The following TSEN2 variants were observed in gnomAD, a reference collection of about 807,000 sequenced individuals.
TSEN2 encodes tRNA splicing endonuclease subunit 2.
In TSEN2, 54 loss-of-function variants were observed where a neutral mutation model predicts 59.2. The ratio of observed to expected loss-of-function variants is 0.91; its 90% CI spans 0.73 to 1.14. The LOEUF is 1.14. Among genes scored for constraint, TSEN2 ranks in the 50% most tolerant of loss-of-function variants. TSEN2 has a pLI of 0.00. For missense variants in TSEN2, 636 were observed against 576.2 expected, an observed-to-expected ratio of 1.10 and a Z score of -1.06; for synonymous variants, 195 against 198.2, an observed-to-expected ratio of 0.98 and a Z score of 0.14.
downstream of TSEN2, among the ~76,000 whole-genome samples, chr3:12,534,897 G>A (rs2057636697): frequency 6.6e-6 from 1 of 151,894 alleles, no homozygotes; most frequent in Non-Finnish European, 1.5e-5. Flanking sequence ...CTTGAACCTG[G>A]GAGGTGGAGG....
chr3:12,492,486 C>G (rs1365669548), intron 3 of TSEN2, among the ~76,000 whole-genome samples: 1 of 152,208 alleles, frequency 6.6e-6, no homozygotes, highest in Non-Finnish European at 1.5e-5. Context: ...ATGGCAGGTA[C>G]TGGTAGTTAA....
upstream of TSEN2, among the ~76,000 whole-genome samples, chr3:12,481,627 C>T (rs1372927099): frequency 6.6e-6 from 1 of 152,134 alleles, no homozygotes; most frequent in Non-Finnish European, 1.5e-5. Flanking sequence ...TTAGATAAGC[C>T]TCCTTTAGGC....
chr3:12,517,357 CA>C (rs10663207), intron 7 of TSEN2, among the ~76,000 whole-genome samples: 167 of 81,418 alleles, frequency 2.1e-3, no homozygotes, highest in East Asian at 3.9e-3. Flanking sequence ...GACTCTGTCT[CA>C]AAAAAAAAAA....
intron 8 of TSEN2, 101 bp downstream of exon 8, chr3:12,519,298 G>A: frequency 6.6e-7 from 1 of 1,518,568 alleles, no homozygotes; most frequent in Non-Finnish European, 9.1e-7. Context: ...TGTTTTCTAA[G>A]AAGGTATCCT....
chr3:12,487,337 C>T (rs1022350986), intron 1 of TSEN2, among the ~76,000 whole-genome samples: 2 of 152,202 alleles, frequency 1.3e-5, no homozygotes, highest in African/African-American at 4.8e-5. Context: ...GGTTGGAGTA[C>T]AGAGTTCTTT....
At chr3:12,523,526 C>CTTTTTTTGTTTTTTT (rs2056823263) in intron 8 of TSEN2, among the ~76,000 whole-genome samples, 1 of 46,480 alleles carries the variant, frequency 2.2e-5, no homozygotes, top group Non-Finnish European at 4.3e-5. Context: ...CTCTTTGATT[C>CTTTTTTTGTTTTTTT]TTTTTTTTTT....
At chr3:12,535,884 A>G (rs1006541749), downstream of TSEN2, among the ~76,000 whole-genome samples, 9 of 152,196 alleles carry the variant, frequency 5.9e-5, no homozygotes, top group African/African-American at 2.2e-4. Context: ...CCACTGGGAA[A>G]ACAGGGGCGA....
intron 4 of TSEN2, among the ~76,000 whole-genome samples, chr3:12,499,691 C>T (rs1258546770): frequency 6.6e-6 from 1 of 152,202 alleles, no homozygotes; most frequent in Admixed American, 6.5e-5. Context: ...GGTGTGCACA[C>T]CAGCACTCCC....
At chr3:12,510,561 T>C (rs759550197) in intron 6 of TSEN2, among the ~76,000 whole-genome samples, 4 of 152,214 alleles carry the variant, frequency 2.6e-5, no homozygotes, top group Admixed American at 6.5e-5. Flanking sequence ...GCTCTCCTCG[T>C]GCCTGACAGC....
At chr3:12,485,952 T>A (rs567170054) in intron 1 of TSEN2, among the ~76,000 whole-genome samples, 187 of 133,894 alleles carry the variant, frequency 1.4e-3, no homozygotes, top group African/African-American at 5.9e-3. Context: ...AATTTAAAAA[T>A]ATATATATAT....
intron 3 of TSEN2, among the ~76,000 whole-genome samples, chr3:12,494,270 G>A (rs2053521190): frequency 6.6e-6 from 1 of 152,210 alleles, no homozygotes; most frequent in African/African-American, 2.4e-5. Flanking sequence ...GGACCGTGGA[G>A]CTGAGACAGG....
chr3:12,525,608 G>A (rs997994807), intron 8 of TSEN2, among the ~76,000 whole-genome samples: 8 of 152,148 alleles, frequency 5.3e-5, no homozygotes, highest in African/African-American at 1.9e-4. Flanking sequence ...CGAGGGTGGA[G>A]TGCAGTGGCA....
At chr3:12,522,529 AC>A (rs1479612531) in intron 8 of TSEN2, among the ~76,000 whole-genome samples, 10 of 152,006 alleles carry the variant, frequency 6.6e-5, no homozygotes, top group African/African-American at 2.4e-4. Context: ...GGCTTCCTAA[AC>A]TCTACCTCAT....
chr3:12,530,705 G>A, intron 10 of TSEN2: 1 of 985,400 alleles, frequency 1.0e-6, no homozygotes, highest in Non-Finnish European at 1.2e-6. Context: ...AAATTAGGGA[G>A]CCTATACTGT....
At chr3:12,502,567 T>A (rs2054382386) in intron 4 of TSEN2, among the ~76,000 whole-genome samples, 1 of 150,820 alleles carries the variant, frequency 6.6e-6, no homozygotes, top group African/African-American at 2.5e-5. Context: ...AAAAAAAAAA[T>A]CTTGATAAAG....
At chr3:12,526,411 T>C (rs868132518) in intron 8 of TSEN2, among the ~76,000 whole-genome samples, 1 of 152,168 alleles carries the variant, frequency 6.6e-6, no homozygotes, top group South Asian at 2.1e-4. Flanking sequence ...ATTTAACCAT[T>C]GTGTTATAAT....
intron 8 of TSEN2, among the ~76,000 whole-genome samples, chr3:12,524,149 G>T (rs957149437): frequency 6.6e-6 from 1 of 151,754 alleles, no homozygotes. Flanking sequence ...CCCAAGCTGG[G>T]CTCAAACTCC....
chr3:12,521,242 T>C (rs2056612463), intron 8 of TSEN2, among the ~76,000 whole-genome samples: 1 of 152,204 alleles, frequency 6.6e-6, no homozygotes, highest in African/African-American at 2.4e-5. Flanking sequence ...CAGGTACTGT[T>C]TGAGGCATCA....
intron 8 of TSEN2, among the ~76,000 whole-genome samples, chr3:12,524,808 T>C (rs2056951528): frequency 6.7e-6 from 1 of 149,958 alleles, no homozygotes; most frequent in Non-Finnish European, 1.5e-5. Flanking sequence ...AGTGGCGCGA[T>C]CTCAGCTCAC....
Sources: gnomAD v4.1 joint callset for allele counts (sites outside exome capture counted in the v4.1 genomes callset) on GRCh38, gnomAD v4.1.1 for gene constraint, MANE v1.5 for transcripts, NCBI Gene and HGNC (gene_info 2026-07-23, HGNC 2026-07-21) for gene names.